The following NAV2 variants were observed in gnomAD, a reference collection of about 807,000 sequenced individuals.
The protein encoded by NAV2 is helicase, APC down-regulated 1.
NAV2 carries 54 observed loss-of-function variants against 223.2 expected under a neutral mutation model. The observed-to-expected ratio is 0.24, with a 90% CI of 0.19 to 0.30. The LOEUF is 0.30. Ranked by LOEUF, NAV2 falls within the 10% of genes least tolerant of loss-of-function variation. The pLI, the probability that NAV2 is intolerant of heterozygous loss-of-function variation, is 1.00. For missense variants in NAV2, 2,806 were observed against 3,147.5 expected (o/e 0.89, Z 2.60); for synonymous variants, 1,279 against 1,239.3 (o/e 1.03, Z -0.67).
chr11:19,663,171 C>G (rs1028574870), intron 1 of NAV2, among the ~76,000 whole-genome samples: 1 of 152,098 alleles, frequency 6.6e-6, no homozygotes, highest in Non-Finnish European at 1.5e-5. Flanking sequence ...GTAGAGTGTA[C>G]TAAAGATTTG....
In NAV2 at chr11:20,051,304, T is replaced by C. The variant is rs774187786; in HGVS notation, c.4452T>C (p.Asp1484=). 6 of 1,614,046 alleles carry C rather than the reference T, an allele frequency of 3.7e-6. No individual in the cohort carries two copies. The Admixed American group carries it at 1.0e-4, about 27-fold the overall frequency. Reference sequence around the variant, plus strand: ...TTTCCTACAGTGACCCGCACCTTGATAGGAACACTTTGCCTAAGAAAGGAC... The same window carrying C: ...TTTCCTACAGTGACCCGCACCTTGACAGGAACACTTTGCCTAAGAAAGGAC... The part of the protein sequence containing the change: ...PRKQDSDPHL[D]RNTLPKKGLR... Residue 1484 remains aspartate (D), a synonymous_variant, in exon 17 of 38, where the codon GAT becomes GAC. Transcript: ENST00000349880.
intron 8 of NAV2, among the ~76,000 whole-genome samples, chr11:19,944,617 CTTTTTCT>C (rs2046696417): frequency 7.7e-6 from 1 of 130,144 alleles, no homozygotes; most frequent in African/African-American, 2.9e-5. Flanking sequence ...TTTCTTCTTT[CTTTTTCT>C]TTTTTCTTTC....
Position 19,813,660 on chromosome 11 carries a change from G to A in NAV2, c.268-18824G>A, listed in dbSNP as rs1031586016. Among the ~76,000 whole-genome samples the A allele has an allele frequency of 1.4e-4, 21 of 152,272 alleles. 1 individual carries two copies. The highest frequency in any genetic ancestry group is 4.6e-4 in the African/African-American group (19 of 41,568). ...AAGAAAATCTGACCACAGCGGGTGC[G>A]TGACTTCAGCTAAAATTAACCTTGG... On this transcript the variant is annotated intron_variant, in intron 1 of 37. Coordinates refer to ENST00000349880, the MANE Select transcript of NAV2 (RefSeq NM_145117.5).
intron 1 of NAV2, chr11:19,384,712 T>A (rs1848968645): frequency 6.6e-6 from 1 of 152,232 alleles, no homozygotes; most frequent in Admixed American, 6.5e-5. Flanking sequence ...CTGAACTGAC[T>A]GAAGACCACA....
chr11:19,624,064 C>T (rs992715039), intron 1 of NAV2, among the ~76,000 whole-genome samples: 5 of 152,186 alleles, frequency 3.3e-5, no homozygotes, highest in Non-Finnish European at 5.9e-5. Context: ...GTATCACCAG[C>T]GGAGGCTGCA....
At chr11:20,091,849 G>C (rs1409653980) in intron 27 of NAV2, among the ~76,000 whole-genome samples, 1 of 152,164 alleles carries the variant, frequency 6.6e-6, no homozygotes, top group East Asian at 1.9e-4. Flanking sequence ...ATGGCGTAGA[G>C]GAGCTCATTA....
At chr11:19,350,701 A>C (rs1376410312), upstream of NAV2, 8 of 515,954 alleles carry the variant, frequency 1.6e-5, no homozygotes, top group Non-Finnish European at 2.8e-5. Flanking sequence ...TCTCAGACCT[A>C]AAGTAAAACC....
intron 1 of NAV2, among the ~76,000 whole-genome samples, chr11:19,368,428 T>G (rs1189668781): frequency 6.6e-6 from 1 of 152,174 alleles, no homozygotes; most frequent in African/African-American, 2.4e-5. Context: ...CTTCTTCCCA[T>G]CTACTGCAGC....
At chr11:20,102,912 C>T (rs2061739532) in intron 32 of NAV2, among the ~76,000 whole-genome samples, 1 of 152,168 alleles carries the variant, frequency 6.6e-6, no homozygotes, top group African/African-American at 2.4e-5. Context: ...TGTCTGGCTC[C>T]TCTGCTGCTC....
rs113226267 is a variant in NAV2, at chr11:19,680,501, G to C, written c.76-151983G>C. Among the ~76,000 whole-genome samples the C allele has an allele frequency of 4.6e-3, 698 of 152,252 alleles. 1 individual carries two copies. Among genetic ancestry groups the C allele is most frequent in the African/African-American group, 0.016 (660 of 41,546 alleles). Reference sequence around the variant, plus strand: ...GCTGAATGAGTGCTGGGGAACTGTAGGACACACCCCTCACCCGCACACACA... The same window carrying C: ...GCTGAATGAGTGCTGGGGAACTGTACGACACACCCCTCACCCGCACACACA... On this transcript the variant is annotated intron_variant, in intron 1 of 37. Transcript: ENST00000360655.
intron 30 of NAV2, among the ~76,000 whole-genome samples, chr11:20,096,987 A>C (rs2061320048): frequency 6.6e-6 from 1 of 152,200 alleles, no homozygotes; most frequent in East Asian, 1.9e-4. Context: ...GATTCCACCT[A>C]AGTCATCGTG....
chr11:19,363,704 G>T (rs940813323), intron 1 of NAV2, among the ~76,000 whole-genome samples: 1 of 152,114 alleles, frequency 6.6e-6, no homozygotes, highest in Non-Finnish European at 1.5e-5. Flanking sequence ...CCACAAGACC[G>T]CCCCAATTTC....
At chr11:20,077,701 C>A in intron 23 of NAV2, 66 bp downstream of exon 23, 1 of 1,265,298 alleles carries the variant, frequency 7.9e-7, no homozygotes, top group Middle Eastern at 1.8e-4. Flanking sequence ...AAATACTATT[C>A]TTTCATTTCA....
intron 1 of NAV2, among the ~76,000 whole-genome samples, chr11:19,392,438 T>TG (rs1453587041): frequency 2.0e-5 from 3 of 151,890 alleles, no homozygotes; most frequent in Non-Finnish European, 4.4e-5. Flanking sequence ...GACTTGAAGC[T>TG]GGAATCATCT....
intron 1 of NAV2, among the ~76,000 whole-genome samples, chr11:19,396,821 T>C (rs1353034746): frequency 1.3e-5 from 2 of 152,190 alleles, no homozygotes; most frequent in African/African-American, 4.8e-5. Context: ...TCTAGTAATG[T>C]AGAATTTTCA....
chr11:19,946,423 G>T lies in NAV2; in HGVS notation c.2169G>T (p.Arg723=). 6.2e-7 allele frequency: 1 copy of T among 1,613,074 alleles called. No individual in the cohort carries two copies. The highest frequency in any genetic ancestry group is 8.5e-7 in the Non-Finnish European group (1 of 1,179,678). The change falls in exon 9 of 38, where the codon CGG becomes CGT. Residue 723 remains arginine (R), a synonymous_variant. Transcript: ENST00000349880. ...ELTGEDPEAR[R]LRTVKNIADL... Reference sequence around the variant, plus strand: ...TAGGGGAAGATCCTGAGGCTCGGCGGCTGCGGACAGTGAAGAACATCGCTG... The same window carrying T: ...TAGGGGAAGATCCTGAGGCTCGGCGTCTGCGGACAGTGAAGAACATCGCTG...
Position 19,977,948 on chromosome 11 carries a change from G to A in NAV2, c.2646-6177G>A, listed in dbSNP as rs573863836. ...GTCTCCCGAGTAGCTGGGATTACAGGCGCCTGCCACCACGCCCAGCTCATT... is the reference window on the plus strand; with the variant it reads ...GTCTCCCGAGTAGCTGGGATTACAGACGCCTGCCACCACGCCCAGCTCATT... On this transcript the variant is annotated intron_variant, in intron 10 of 37. Transcript: ENST00000349880. Among the ~76,000 whole-genome samples the A allele has an allele frequency of 7.3e-5, 11 of 151,406 alleles. No homozygotes were observed. The South Asian group carries it at 2.3e-3, about 32-fold the overall frequency.
intron 11 of NAV2, among the ~76,000 whole-genome samples, chr11:20,008,227 T>G (rs1218741494): frequency 1.4e-4 from 21 of 151,840 alleles, no homozygotes; most frequent in Non-Finnish European, 7.4e-5. Context: ...ATTAGCCAAG[T>G]GTGGTGGCGT....
intron 3 of NAV2, among the ~76,000 whole-genome samples, chr11:19,863,135 G>A (rs2061887234): frequency 6.6e-6 from 1 of 152,154 alleles, no homozygotes; most frequent in Non-Finnish European, 1.5e-5. Context: ...CTTTCAGATA[G>A]GAAGGACTTG....
Sources: gnomAD v4.1 joint callset for allele counts (sites outside exome capture counted in the v4.1 genomes callset) on GRCh38, gnomAD v4.1.1 for gene constraint, MANE v1.5 for transcripts, NCBI Gene and HGNC (gene_info 2026-07-23, HGNC 2026-07-21) for gene names.